Variants in WDHD1 observed in about 807,000 individuals in gnomAD.
WDHD1 encodes WD repeat and HMG-box DNA binding protein 1, also known as WD repeat and HMG-box DNA-binding protein 1.
A neutral mutation model predicts 135.4 loss-of-function variants in WDHD1; 111 were observed. The observed-to-expected ratio is 0.82, with a 90% CI of 0.70 to 0.96. The LOEUF is 0.96. WDHD1 is among the 40% of genes least tolerant of loss of function. The pLI, the probability that WDHD1 is intolerant of heterozygous loss-of-function variation, is 0.00. For missense variants in WDHD1, 1,351 were observed against 1,336.3 expected, an observed-to-expected ratio of 1.01 and a Z score of -0.17; for synonymous variants, 434 against 439.0, an observed-to-expected ratio of 0.99 and a Z score of 0.14.
At chr14:54,964,060 A>G (rs2041301224) in intron 18 of WDHD1, among the ~76,000 whole-genome samples, 1 of 152,172 alleles carries the variant, frequency 6.6e-6, no homozygotes. Flanking sequence ...GTGAGTTACA[A>G]TCTTGCCACT....
chr14:55,022,427 G>A lies in WDHD1; in HGVS notation c.77+4284C>T, dbSNP rs182962698. 3.9e-5 allele frequency among the ~76,000 whole-genome samples: 6 copies of A among 151,994 alleles called. No homozygotes were observed. In the East Asian group the frequency reaches 9.7e-4, roughly 25 times the overall value. On this transcript the variant is annotated intron_variant, in intron 2 of 25. Coordinates refer to ENST00000360586, the MANE Select transcript of WDHD1 (RefSeq NM_007086.4). ...CCTTCCTTACTAATAAATGTTCTTT[G>A]TGGCATTTTTCCCCCCACAGAATAG...
chr14:54,962,637 G>C, intron 20 of WDHD1, 86 bp from the exon 21 acceptor site: 2 of 1,531,832 alleles, frequency 1.3e-6, no homozygotes, highest in Non-Finnish European at 1.8e-6. Context: ...AAAGAGGTCT[G>C]AAAAAAAGTA....
rs569277893 is a variant in WDHD1, at chr14:54,941,454, A to G, written c.*36T>C. The G allele has an allele frequency of 1.7e-5, 27 of 1,560,680 alleles. No individual in the cohort carries two copies. In the Admixed American group the frequency reaches 2.2e-4, roughly 13 times the overall value. ...AGTCTATATTCAAAGATGAGTAAAAAAAAATCCATTACTTCCCTAGGGTCA... is the reference window on the plus strand; with the variant it reads ...AGTCTATATTCAAAGATGAGTAAAAGAAAATCCATTACTTCCCTAGGGTCA... On this transcript the variant is annotated 3_prime_UTR_variant, in exon 26 of 26. Coordinates refer to ENST00000360586, the MANE Select transcript of WDHD1 (RefSeq NM_007086.4).
Position 54,989,035 on chromosome 14 carries a change from G to C in WDHD1, c.1519C>G (p.Leu507Val). Residue 507 changes from leucine (L) to valine (V), a missense_variant, in exon 13 of 26, where the codon CTA becomes GTA. Transcript: ENST00000360586. ...ILLACESTDE[L>V]ASKLHCLHFS... ...TAATAATCTTGAGTTTACCTTGCTA[G>C]TTCATCAGTGCTTTCACATGCCAAC... The C allele has an allele frequency of 6.8e-6, 11 of 1,609,204 alleles. No homozygotes were observed. Among genetic ancestry groups the C allele is most frequent in the African/African-American group, 4.0e-5 (3 of 74,972 alleles).
At chr14:54,994,734 C>G (rs2041848924) in intron 11 of WDHD1, among the ~76,000 whole-genome samples, 1 of 149,754 alleles carries the variant, frequency 6.7e-6, no homozygotes, top group Admixed American at 6.7e-5. Flanking sequence ...GCACTCCAGC[C>G]TGGGTGACAG....
At chr14:55,009,860 G>A (rs752264036) in intron 4 of WDHD1, among the ~76,000 whole-genome samples, 5 of 151,660 alleles carry the variant, frequency 3.3e-5, no homozygotes, top group South Asian at 2.1e-4. Flanking sequence ...TCACTCTGTC[G>A]CCTAGGCTGG....
intron 12 of WDHD1, among the ~76,000 whole-genome samples, chr14:54,989,955 C>T (rs911760292): frequency 6.6e-6 from 1 of 152,162 alleles, no homozygotes; most frequent in African/African-American, 2.4e-5. Flanking sequence ...TGAGCCATCA[C>T]GCCCGGCAGA....
intron 16 of WDHD1, among the ~76,000 whole-genome samples, chr14:54,975,374 G>A (rs1388821822): frequency 1.3e-5 from 2 of 151,820 alleles, no homozygotes; most frequent in East Asian, 3.9e-4. Flanking sequence ...TTGAGACAGA[G>A]TTTCCCTCTG....
At chr14:54,948,711 G>T (rs1052925509) in intron 24 of WDHD1, among the ~76,000 whole-genome samples, 3 of 152,192 alleles carry the variant, frequency 2.0e-5, no homozygotes, top group Non-Finnish European at 4.4e-5. Context: ...CTCAGTGACA[G>T]GTGGGTCCAT....
At chr14:54,970,071 T>C (rs1005780943) in intron 16 of WDHD1, among the ~76,000 whole-genome samples, 1 of 152,202 alleles carries the variant, frequency 6.6e-6, no homozygotes, top group Non-Finnish European at 1.5e-5. Flanking sequence ...GAGCCATCTA[T>C]GGCAAACCCA....
chr14:54,947,705 C>T (rs1413269268), intron 24 of WDHD1, among the ~76,000 whole-genome samples: 2 of 151,920 alleles, frequency 1.3e-5, no homozygotes, highest in African/African-American at 4.8e-5. Context: ...GATTCTCCTG[C>T]CTCAGCCTCC....
intron 7 of WDHD1, chr14:55,005,017 C>A (rs1206617844): frequency 5.5e-6 from 3 of 544,676 alleles, no homozygotes; most frequent in Admixed American, 3.8e-5. Flanking sequence ...GTCCATTCAC[C>A]CTGAAATTCC....
At chr14:55,005,537 A>G in intron 7 of WDHD1, 1 of 583,454 alleles carries the variant, frequency 1.7e-6, no homozygotes, top group East Asian at 4.1e-5. Context: ...GGTCCTCTTC[A>G]GATTTATGAT....
chr14:54,971,145 C>T (rs1008509051), intron 16 of WDHD1, among the ~76,000 whole-genome samples: 1 of 152,160 alleles, frequency 6.6e-6, no homozygotes, highest in Non-Finnish European at 1.5e-5. Flanking sequence ...CAGAAGAAAC[C>T]CTAGCAAATA....
chr14:54,997,089 C>CTT lies in WDHD1; in HGVS notation c.943-1278_943-1277dup, dbSNP rs71131246. Reference sequence around the variant, plus strand: ...ACAGGCGTGAGCCACAGCGCCCAGCCTTTTTTTTTTTTTTTTTTTTTTTTG... The same window carrying CTT: ...ACAGGCGTGAGCCACAGCGCCCAGCCTTTTTTTTTTTTTTTTTTTTTTTTTTG... On this transcript the variant is annotated intron_variant, in intron 10 of 25. Coordinates refer to ENST00000360586, the MANE Select transcript of WDHD1 (RefSeq NM_007086.4). Among the ~76,000 whole-genome samples the CTT allele has an allele frequency of 7.8e-4, 32 of 41,212 alleles. 1 individual carries two copies. Among genetic ancestry groups the CTT allele is most frequent in the African/African-American group, 1.8e-3 (22 of 12,424 alleles). The allele number at this position is 41,212 out of a possible 152,430, so 27.0% of individuals were successfully genotyped here. A position where few individuals can be genotyped will look rare whatever the true frequency, so the allele number is the denominator to read the frequency against.
chr14:55,026,006 T>C (rs2042431331), intron 2 of WDHD1, among the ~76,000 whole-genome samples: 1 of 152,246 alleles, frequency 6.6e-6, no homozygotes, highest in African/African-American at 2.4e-5. Flanking sequence ...ACTGCACATA[T>C]TACTTGTTTC....
intron 25 of WDHD1, among the ~76,000 whole-genome samples, 195 bp from the exon 26 acceptor site, chr14:54,941,885 AT>A (rs1256870933): frequency 6.6e-6 from 1 of 152,224 alleles, no homozygotes; most frequent in African/African-American, 2.4e-5. Context: ...CACTACTTTT[AT>A]ATCTCAATCT....
At position 54,989,227 on chromosome 14, in the gene WDHD1, G is replaced by A. The variant is rs773388672; in HGVS notation, c.1342-15C>T. On this transcript the variant is annotated splice_polypyrimidine_tract_variant and intron_variant, in intron 12 of 25. Transcript: ENST00000360586. ...GAGTTCCACACCTACAAACAGGTAA[G>A]ATTAAATATAAGTCTGAGAAAAACT... The A allele has an allele frequency of 1.3e-6, 2 of 1,596,994 alleles. No individual in the cohort carries two copies. The highest frequency in any genetic ancestry group is 2.3e-5 in the East Asian group (1 of 44,432).
At chr14:54,977,760 G>C (rs551095222) in intron 16 of WDHD1, among the ~76,000 whole-genome samples, 1 of 152,212 alleles carries the variant, frequency 6.6e-6, no homozygotes, top group East Asian at 1.9e-4. Flanking sequence ...AAGTGTAAAA[G>C]CTGTAATTTA....
Sources: allele counts gnomAD v4.1 joint callset (sites outside exome capture counted in the v4.1 genomes callset), GRCh38; gene constraint gnomAD v4.1.1; transcripts MANE v1.5; gene names NCBI Gene and HGNC (gene_info 2026-07-23, HGNC 2026-07-21).